The following COL28A1 variants were observed in gnomAD, a reference collection of about 807,000 sequenced individuals.
COL28A1 encodes collagen type XXVIII alpha 1 chain, also known as collagen alpha-1(XXVIII) chain.
In COL28A1, 161 loss-of-function variants were observed where a neutral mutation model predicts 150.2. That is an observed-to-expected ratio of 1.07 (90% CI 0.94 to 1.22). The LOEUF (loss-of-function observed/expected upper bound fraction) is 1.22. Among genes scored for constraint, COL28A1 ranks in the 50% most tolerant of loss-of-function variants. COL28A1 has a pLI of 0.00. For missense variants in COL28A1, 1,617 were observed against 1,388.3 expected (o/e 1.16, Z -2.62); for synonymous variants, 552 against 469.7 (o/e 1.18, Z -2.26).
intron 27 of COL28A1, among the ~76,000 whole-genome samples, chr7:7,413,162 T>C (rs1352651210): frequency 1.3e-5 from 2 of 152,028 alleles, no homozygotes; most frequent in Non-Finnish European, 2.9e-5. Context: ...TGGATAGAGG[T>C]CACCAAATTA....
rs887847643 is a variant in COL28A1 at position 7,497,686 on chromosome 7, T to C, written c.1027-7040A>G. ...ATTACAATCTACTCACAACTGAAAA[T>C]CCATCATATGAAGACAAAGCATCTC... On this transcript the variant is annotated intron_variant, in intron 11 of 34. Transcript: ENST00000399429. 2.0e-5 allele frequency among the ~76,000 whole-genome samples: 3 copies of C among 152,034 alleles called. No homozygotes were observed. The East Asian group carries it at 5.8e-4, about 29-fold the overall frequency.
At position 7,373,733 on chromosome 7, in the gene COL28A1, C is replaced by T. The variant is rs1781366581; in HGVS notation, c.2360-187G>A. Among the ~76,000 whole-genome samples the T allele has an allele frequency of 6.6e-6, 1 of 150,786 alleles. No individual in the cohort carries two copies. The highest frequency in any genetic ancestry group is 1.5e-5 in the Non-Finnish European group (1 of 67,796). On this transcript the variant is annotated intron_variant, in intron 31 of 34. Transcript: ENST00000399429. This position sits in a 1 kb window ranked among gnomAD's most constrained non-coding sequence, Gnocchi z 4.1. ...TTTTTTTTTGTGAGACAGAGTCTCGCTGTCGCCCAGGTTGGAGTGCAGTGG... is the reference window on the plus strand; with the variant it reads ...TTTTTTTTTGTGAGACAGAGTCTCGTTGTCGCCCAGGTTGGAGTGCAGTGG...
At chr7:7,482,395 G>C (rs1779379917) in intron 13 of COL28A1, among the ~76,000 whole-genome samples, 1 of 151,914 alleles carries the variant, frequency 6.6e-6, no homozygotes, top group African/African-American at 2.4e-5. Context: ...TCTGGTGGCT[G>C]GAGCCTACAG....
chr7:7,364,706 A>G lies in COL28A1; in HGVS notation c.3067-4178T>C, dbSNP rs543730482. ...AAGGCCTTACCTAGCTAATAACCCT[A>G]AGATGGGTAGAGGAAAAAAAAATTT... is the stretch of plus-strand genomic sequence containing the variant. On this transcript the variant is annotated intron_variant, in intron 33 of 34. Transcript: ENST00000399429. 2.6e-5 allele frequency among the ~76,000 whole-genome samples: 4 copies of G among 152,278 alleles called. No individual in the cohort carries two copies. The East Asian group carries it at 7.7e-4, about 29-fold the overall frequency.
At chr7:7,342,700 C>G in the COL28A1 span, among the ~76,000 whole-genome samples, 1 of 152,024 alleles carries the variant, frequency 6.6e-6, no homozygotes, top group Non-Finnish European at 1.5e-5. Context: ...ATTAGAATAT[C>G]TTACCTCCTT....
chr7:7,367,686 A>G (rs567661316), intron 33 of COL28A1, among the ~76,000 whole-genome samples: 1 of 152,234 alleles, frequency 6.6e-6, no homozygotes, highest in East Asian at 1.9e-4. Context: ...TCTCAAGGCC[A>G]TCAGGCTTCC....
chr7:7,414,429 G>T (rs184602625), intron 27 of COL28A1, among the ~76,000 whole-genome samples: 4 of 152,304 alleles, frequency 2.6e-5, no homozygotes, highest in African/African-American at 9.6e-5. Context: ...AAAGCCCAAG[G>T]CCCTGAAGGA....
At chr7:7,445,430 T>G (rs1199109371) in intron 18 of COL28A1, among the ~76,000 whole-genome samples, 1 of 152,152 alleles carries the variant, frequency 6.6e-6, no homozygotes, top group African/African-American at 2.4e-5. Context: ...TGCAGACTGA[T>G]TTTGGACTTC....
intron 1 of COL28A1, among the ~76,000 whole-genome samples, chr7:7,535,005 C>T (rs1338809420): frequency 6.6e-6 from 1 of 152,080 alleles, no homozygotes; most frequent in Non-Finnish European, 1.5e-5. Flanking sequence ...CTTGAGAGCC[C>T]ACTCATTTCT....
chr7:7,348,901 C>A, the COL28A1 span, among the ~76,000 whole-genome samples: 3 of 152,018 alleles, frequency 2.0e-5, no homozygotes, highest in Non-Finnish European at 2.9e-5. Flanking sequence ...TGCCGCCACA[C>A]CCAGATAATT....
chr7:7,445,891 G>A (rs1379595980), intron 18 of COL28A1, among the ~76,000 whole-genome samples: 4 of 148,350 alleles, frequency 2.7e-5, no homozygotes, highest in South Asian at 4.2e-4. Flanking sequence ...ATGGAGTTTC[G>A]TTCTTGTTGA....
intron 14 of COL28A1, 37 bp from the exon 15 acceptor site, chr7:7,474,706 A>G (rs1482904913): frequency 2.2e-6 from 2 of 897,240 alleles, no homozygotes. Flanking sequence ...TGCACCAACC[A>G]AAATCTGAAT....
chr7:7,391,571 G>A (rs1447425657), intron 27 of COL28A1, among the ~76,000 whole-genome samples: 4 of 152,156 alleles, frequency 2.6e-5, no homozygotes, highest in East Asian at 3.9e-4. Flanking sequence ...AATATTGACA[G>A]TGCTGTGTAA....
chr7:7,532,260 T>C (rs1258426617), intron 2 of COL28A1, among the ~76,000 whole-genome samples: 1 of 152,158 alleles, frequency 6.6e-6, no homozygotes, highest in Non-Finnish European at 1.5e-5. Flanking sequence ...TAAATGATAC[T>C]CTAATTCTCA....
chr7:7,535,689 C>A (rs1782602929), intron 1 of COL28A1, 61 bp downstream of exon 1: 1 of 152,100 alleles, frequency 6.6e-6, no homozygotes, highest in Non-Finnish European at 1.5e-5. Flanking sequence ...TTTAGTCTTC[C>A]ACAGTTCCTT....
chr7:7,416,595 G>A (rs1196771366), intron 27 of COL28A1, among the ~76,000 whole-genome samples: 1 of 152,176 alleles, frequency 6.6e-6, no homozygotes, highest in African/African-American at 2.4e-5. Flanking sequence ...GATTGGTGTT[G>A]TTTATGAGAA....
chr7:7,410,550 T>A (rs1783724947), intron 27 of COL28A1, among the ~76,000 whole-genome samples: 1 of 152,164 alleles, frequency 6.6e-6, no homozygotes, highest in Non-Finnish European at 1.5e-5. Context: ...TGCTATGCCG[T>A]TAAGTGGATA....
intron 14 of COL28A1, among the ~76,000 whole-genome samples, chr7:7,474,963 T>A (rs1788743350): frequency 6.6e-6 from 1 of 152,190 alleles, no homozygotes; most frequent in Admixed American, 6.5e-5. Flanking sequence ...ATTCTGGAAA[T>A]GGATCACCTA....
At chr7:7,529,214 G>A (rs775099965) in intron 3 of COL28A1, among the ~76,000 whole-genome samples, 2 of 151,072 alleles carry the variant, frequency 1.3e-5, no homozygotes, top group South Asian at 2.1e-4. Context: ...GCTTGAACCC[G>A]GGAGGCAGAG....
Sources: allele counts gnomAD v4.1 joint callset (sites outside exome capture counted in the v4.1 genomes callset), GRCh38; gene constraint gnomAD v4.1.1; non-coding constraint Gnocchi (gnomAD v3.1); transcripts MANE v1.5; gene names NCBI Gene and HGNC (gene_info 2026-07-23, HGNC 2026-07-21).